The following CDH9 variants were observed in gnomAD, a reference collection of about 807,000 sequenced individuals.
The protein encoded by CDH9 is cadherin-9.
A neutral mutation model predicts 70.9 loss-of-function variants in CDH9; 28 were observed. That is an observed-to-expected ratio of 0.40 (90% CI 0.29 to 0.54). The LOEUF (loss-of-function observed/expected upper bound fraction) is 0.54. CDH9 is among the 20% of genes least tolerant of loss of function. The probability of loss-of-function intolerance (pLI) is 0.59; values close to 1 mark genes in which losing one functional copy is unlikely to be tolerated. For synonymous variants in CDH9, 409 were observed against 343.1 expected (o/e 1.19, Z -2.12); for missense variants, 874 against 984.4 (o/e 0.89, Z 1.50).
intron 3 of CDH9, among the ~76,000 whole-genome samples, chr5:26,912,868 T>TG (rs1331313962): frequency 2.7e-4 from 41 of 152,090 alleles, no homozygotes; most frequent in East Asian, 1.2e-3. Flanking sequence ...GATTGAATTA[T>TG]GGGGGAGGGT....
intron 2 of CDH9, among the ~76,000 whole-genome samples, chr5:26,946,319 A>G (rs1246798991): frequency 6.6e-6 from 1 of 152,120 alleles, no homozygotes; most frequent in Non-Finnish European, 1.5e-5. Flanking sequence ...CTTGAGTTTA[A>G]TAGCAAAGCT....
chr5:26,901,666 C>T (rs16896353), intron 7 of CDH9, among the ~76,000 whole-genome samples: 13,030 of 151,784 alleles, frequency 0.086, 741 homozygotes, highest in African/African-American at 0.17. Context: ...ATCTCTTCAG[C>T]TGTCTATATG....
chr5:26,957,028 G>T (rs1741958331), intron 2 of CDH9, among the ~76,000 whole-genome samples: 2 of 142,226 alleles, frequency 1.4e-5, no homozygotes, highest in African/African-American at 2.6e-5. Context: ...TTTCACTTTG[G>T]CCATTTAATT....
At chr5:26,914,218 C>A (rs1437538182) in intron 3 of CDH9, among the ~76,000 whole-genome samples, 1 of 151,524 alleles carries the variant, frequency 6.6e-6, no homozygotes, top group Non-Finnish European at 1.5e-5. Context: ...ATAATATGTA[C>A]ACAAGAGAAA....
rs1373013626 is a variant in CDH9 at position 26,944,159 on chromosome 5, G to GCTGCTCTTTA, written c.229-28245_229-28236dup. Among the ~76,000 whole-genome samples the GCTGCTCTTTA allele has an allele frequency of 2.6e-5, 4 of 151,398 alleles. No homozygotes were observed. In the East Asian group the frequency reaches 7.8e-4, roughly 29 times the overall value. On this transcript the variant is annotated intron_variant, in intron 2 of 11. Transcript: ENST00000231021. ...TGGATTTGATTTTTCCTCTGTAAAT[G>GCTGCTCTTTA]CTGCTCTTTACTTCCTCCAATGTAA...
chr5:27,031,180 C>T (rs1185321990), intron 1 of CDH9, among the ~76,000 whole-genome samples: 3 of 151,620 alleles, frequency 2.0e-5, no homozygotes, highest in Non-Finnish European at 4.4e-5. Flanking sequence ...ATTACAACTG[C>T]TATTTTAATA....
chr5:26,966,623 C>T (rs1742134310), intron 2 of CDH9, among the ~76,000 whole-genome samples: 1 of 152,138 alleles, frequency 6.6e-6, no homozygotes, highest in African/African-American at 2.4e-5. Context: ...AATTTGCCTT[C>T]TACTCACAAC....
intron 3 of CDH9, among the ~76,000 whole-genome samples, chr5:26,908,986 A>C (rs1442320721): frequency 6.6e-6 from 1 of 152,064 alleles, no homozygotes; most frequent in Non-Finnish European, 1.5e-5. Flanking sequence ...GTTTTATATT[A>C]ATTTTTGTTT....
intron 2 of CDH9, among the ~76,000 whole-genome samples, chr5:26,969,938 T>A (rs35394680): frequency 7.2e-6 from 1 of 138,794 alleles, no homozygotes; most frequent in Non-Finnish European, 1.6e-5. Flanking sequence ...ATATATATAA[T>A]ATATATACAC....
chr5:26,995,224 C>T (rs1331503661), intron 1 of CDH9, among the ~76,000 whole-genome samples: 3 of 152,108 alleles, frequency 2.0e-5, no homozygotes, highest in Non-Finnish European at 4.4e-5. Context: ...TTCATTAATG[C>T]CTAATATAAA....
intron 1 of CDH9, among the ~76,000 whole-genome samples, chr5:27,035,339 T>C (rs1743373716): frequency 6.6e-6 from 1 of 151,510 alleles, no homozygotes; most frequent in Non-Finnish European, 1.5e-5. Context: ...GTCATGGGTA[T>C]TGAGAATTAT....
At chr5:27,010,148 T>C (rs1742932520) in intron 1 of CDH9, among the ~76,000 whole-genome samples, 1 of 152,150 alleles carries the variant, frequency 6.6e-6, no homozygotes, top group Non-Finnish European at 1.5e-5. Flanking sequence ...AAGGACAATA[T>C]TATACTGCAG....
intron 2 of CDH9, among the ~76,000 whole-genome samples, chr5:26,926,381 C>T (rs987609572): frequency 2.0e-5 from 3 of 152,078 alleles, no homozygotes; most frequent in African/African-American, 7.2e-5. Flanking sequence ...ATCCAACCTA[C>T]AAGGGATTTG....
intron 2 of CDH9, among the ~76,000 whole-genome samples, chr5:26,954,702 T>A (rs1274556682): frequency 1.3e-5 from 2 of 152,152 alleles, no homozygotes; most frequent in Non-Finnish European, 2.9e-5. Flanking sequence ...GCCTTTTTTT[T>A]ATTCTTGAAA....
intron 2 of CDH9, among the ~76,000 whole-genome samples, chr5:26,962,312 G>T (rs1347937031): frequency 6.6e-6 from 1 of 152,138 alleles, no homozygotes; most frequent in Non-Finnish European, 1.5e-5. Flanking sequence ...ATAGTAGAAT[G>T]ATTTATAATC....
chr5:26,938,302 A>G (rs987908448), intron 2 of CDH9, among the ~76,000 whole-genome samples: 56 of 151,888 alleles, frequency 3.7e-4, no homozygotes, highest in Non-Finnish European at 6.0e-4. Context: ...ATTTACACAT[A>G]TATTATAAAT....
intron 1 of CDH9, among the ~76,000 whole-genome samples, chr5:27,018,667 T>A (rs1035892154): frequency 2.0e-5 from 3 of 151,986 alleles, no homozygotes; most frequent in African/African-American, 7.2e-5. Context: ...TCTGGGATAA[T>A]ATTATCAGAG....
At chr5:26,895,331 A>G (rs921004817) in intron 7 of CDH9, among the ~76,000 whole-genome samples, 1 of 152,052 alleles carries the variant, frequency 6.6e-6, no homozygotes, top group Admixed American at 6.6e-5. Context: ...GAGATTAGTG[A>G]TATTATTGTT....
rs370110644 is a variant in CDH9 at position 26,994,513 on chromosome 5, GT to G, written c.-49-6132del. ...TGAAGGTACCTGAGCTTTTTTTCCTGTTTTTTTTGTTTCGTTTTGTTTTTTG... is the reference window on the plus strand; with the variant it reads ...TGAAGGTACCTGAGCTTTTTTTCCTGTTTTTTTGTTTCGTTTTGTTTTTTG... On this transcript the variant is annotated intron_variant, in intron 1 of 11. Coordinates refer to ENST00000231021, the MANE Select transcript of CDH9 (RefSeq NM_016279.4). Among the ~76,000 whole-genome samples the G allele has an allele frequency of 2.3e-3, 351 of 150,782 alleles. 2 individuals carry two copies. Among genetic ancestry groups the G allele is most frequent in the African/African-American group, 4.8e-3 (197 of 41,090 alleles).
Sources: gnomAD v4.1 joint callset for allele counts (sites outside exome capture counted in the v4.1 genomes callset) on GRCh38, gnomAD v4.1.1 for gene constraint, MANE v1.5 for transcripts, NCBI Gene and HGNC (gene_info 2026-07-23, HGNC 2026-07-21) for gene names.